The following MPDZ variants were observed in gnomAD, a reference collection of about 807,000 sequenced individuals.
MPDZ encodes multiple PDZ domain protein.
A neutral mutation model predicts 239.1 loss-of-function variants in MPDZ; 234 were observed. The observed-to-expected ratio is 0.98, with a 90% CI of 0.88 to 1.09. MPDZ has a LOEUF of 1.09. Among genes scored for constraint, MPDZ ranks in the 50% least tolerant of loss-of-function variants. The pLI is 0.00. For synonymous variants in MPDZ, 1,048 were observed against 881.3 expected (o/e 1.19, Z -3.35); for missense variants, 3,175 against 2,510.0 (o/e 1.26, Z -5.66).
At position 13,121,812 on chromosome 9, in the gene MPDZ, C is replaced by A. The variant is rs751842122; in HGVS notation, c.5158G>T (p.Val1720Leu). The change falls in exon 38 of 47, where the codon GTG becomes TTG. Residue 1720 changes from valine to leucine, a missense_variant. Coordinates refer to ENST00000319217, the MANE Select transcript of MPDZ (RefSeq NM_001378778.1). Reference protein sequence around the residue: ...RDEAPYKEEEVCDTLTIELQK... With the variant: ...RDEAPYKEEELCDTLTIELQK... ...AGCTCAATAGTGAGGGTGTCACACA[C>A]TTCCTCCTCTTTGTATGGGGCCTCA... 1.8e-5 allele frequency: 29 copies of A among 1,613,872 alleles called. No homozygotes were observed. Among genetic ancestry groups the A allele is most frequent in the Non-Finnish European group, 2.3e-5 (27 of 1,179,904 alleles).
chr9:13,175,515 A>G (rs76541670), intron 21 of MPDZ, among the ~76,000 whole-genome samples: 64 of 152,324 alleles, frequency 4.2e-4, no homozygotes, highest in African/African-American at 1.4e-3. Flanking sequence ...TACTGAATGT[A>G]AATGAGGCTT....
At chr9:13,234,833 A>G (rs965703286) in intron 3 of MPDZ, among the ~76,000 whole-genome samples, 1 of 151,592 alleles carries the variant, frequency 6.6e-6, no homozygotes, top group African/African-American at 2.4e-5. Context: ...TTTTTTAATC[A>G]TGCACCTTGT....
intron 7 of MPDZ, among the ~76,000 whole-genome samples, chr9:13,220,321 TG>T (rs1366207665): frequency 6.6e-4 from 100 of 152,110 alleles, no homozygotes; most frequent in Non-Finnish European, 2.1e-4. Context: ...TCCATACACA[TG>T]CAGTCCATTA....
chr9:13,192,700 G>A (rs1955102854), intron 14 of MPDZ, among the ~76,000 whole-genome samples: 1 of 152,004 alleles, frequency 6.6e-6, no homozygotes, highest in African/African-American at 2.4e-5. Context: ...TAAAAAGTGA[G>A]GGAAAATAAT....
intron 29 of MPDZ, 78 bp downstream of exon 29, chr9:13,137,879 G>A: frequency 1.4e-6 from 2 of 1,405,538 alleles, no homozygotes; most frequent in South Asian, 2.5e-5. Context: ...TATAAGGTAT[G>A]GGTGATTTTC....
At chr9:13,165,276 T>A in intron 22 of MPDZ, 1 of 1,250,932 alleles carries the variant, frequency 8.0e-7, no homozygotes, top group Non-Finnish European at 1.1e-6. Context: ...GGATCTATTC[T>A]TGCATTGGGA....
At chr9:13,134,018 T>C (rs1946391324) in intron 31 of MPDZ, 114 bp from the exon 32 acceptor site, 1 of 371,154 alleles carries the variant, frequency 2.7e-6, no homozygotes, top group South Asian at 1.3e-4. Flanking sequence ...AAAATTATTT[T>C]ACATTTATTT....
chr9:13,177,224 A>G (rs1369088350), intron 19 of MPDZ, among the ~76,000 whole-genome samples: 1 of 152,030 alleles, frequency 6.6e-6, no homozygotes, highest in Non-Finnish European at 1.5e-5. Flanking sequence ...TAAACATATC[A>G]GTTTTCCCTT....
At chr9:13,221,252 C>G in intron 7 of MPDZ, 120 bp downstream of exon 7, 1 of 1,114,412 alleles carries the variant, frequency 9.0e-7, no homozygotes, top group Non-Finnish European at 1.2e-6. Flanking sequence ...ACGAAAGATT[C>G]TAACTCAATT....
At chr9:13,188,725 G>T in intron 17 of MPDZ, 59 bp downstream of exon 17, 1 of 1,464,740 alleles carries the variant, frequency 6.8e-7, no homozygotes, top group South Asian at 1.3e-5. Context: ...GCGAAAAGTA[G>T]ACCTATGAAC....
chr9:13,248,976 C>CAAA lies in MPDZ; in HGVS notation c.17-1178_17-1176dup, dbSNP rs71331534. ...CGACAGAGTGAGTGAGACTCCATCT[C>CAAA]AAAAAAAAAAAAAAAAAAAAAAAAA... On this transcript the variant is annotated intron_variant, in intron 2 of 46. Coordinates refer to ENST00000319217, the MANE Select transcript of MPDZ (RefSeq NM_001378778.1). 4.2e-4 allele frequency among the ~76,000 whole-genome samples: 15 copies of CAAA among 35,818 alleles called. 1 individual carries two copies. Among genetic ancestry groups the CAAA allele is most frequent in the East Asian group, 2.5e-3 (2 of 814 alleles). 23.5% of individuals were successfully genotyped at this position (35,818 alleles called of 152,430 possible).
intron 27 of MPDZ, among the ~76,000 whole-genome samples, chr9:13,141,120 G>A (rs1430241773): frequency 6.6e-6 from 1 of 150,764 alleles, no homozygotes; most frequent in East Asian, 1.9e-4. Context: ...AAAAGTACTT[G>A]GCATCATCAA....
rs572490828 is a variant in MPDZ at position 13,259,501 on chromosome 9, G to A, written c.-57-9129C>T. ...ATGATGATACAACCTGGGAACTCAC[G>A]TACAAGTGAATGAAAGGAAAAGAAA... is the stretch of plus-strand genomic sequence containing the variant. On this transcript the variant is annotated intron_variant, in intron 1 of 46. Transcript: ENST00000319217. Among the ~76,000 whole-genome samples, 180 of 152,198 alleles carry A rather than the reference G, an allele frequency of 1.2e-3. 1 individual carries two copies. Among genetic ancestry groups the A allele is most frequent in the African/African-American group, 4.2e-3 (173 of 41,522 alleles).
intron 21 of MPDZ, among the ~76,000 whole-genome samples, chr9:13,169,932 T>C (rs1951571562): frequency 6.6e-6 from 1 of 152,158 alleles, no homozygotes; most frequent in Non-Finnish European, 1.5e-5. Context: ...TCAATATCAC[T>C]TCCTCAGAAA....
intron 44 of MPDZ, among the ~76,000 whole-genome samples, 196 bp downstream of exon 44, chr9:13,110,440 A>G (rs1272728159): frequency 6.6e-6 from 1 of 152,216 alleles, no homozygotes; most frequent in East Asian, 1.9e-4. Flanking sequence ...AAAACAATCA[A>G]TGCATCAGAG....
At chr9:13,222,569 T>C in intron 5 of MPDZ, 123 bp from the exon 6 acceptor site, 1 of 750,494 alleles carries the variant, frequency 1.3e-6, no homozygotes, top group Non-Finnish European at 2.2e-6. Context: ...TCTAAGCTTT[T>C]TCCTGCAGTT....
chr9:13,212,791 T>TA (rs145889448), intron 10 of MPDZ, among the ~76,000 whole-genome samples: 41,892 of 110,440 alleles, frequency 0.38, 8,430 homozygotes, highest in African/African-American at 0.56. Flanking sequence ...GGTCAAGGTT[T>TA]AAAAAAAAAA....
At position 13,112,105 on chromosome 9, in the gene MPDZ, T is replaced by TA; in HGVS notation, c.5642dup (p.Gly1882ArgfsTer6). ...TAGGCACATCACCAAGTGGGCTGCC[T>TA]ACTCCTCCAGCGATGCTGATTCCCA... On this transcript the variant is annotated frameshift_variant, in exon 43 of 47. Transcript: ENST00000319217. LOFTEE classifies it high-confidence loss of function. 1 of 1,613,456 alleles carries TA rather than the reference T, an allele frequency of 6.2e-7. No individual in the cohort carries two copies. The highest frequency in any genetic ancestry group is 8.5e-7 in the Non-Finnish European group (1 of 1,179,484).
intron 18 of MPDZ, among the ~76,000 whole-genome samples, chr9:13,184,912 AGCTCACAT>A (rs1481558175): frequency 2.0e-5 from 3 of 152,048 alleles, no homozygotes; most frequent in African/African-American, 4.8e-5. Flanking sequence ...TAAGATGCCA[AGCTCACAT>A]AAAAGTGGAA....
Sources: allele counts gnomAD v4.1 joint callset (sites outside exome capture counted in the v4.1 genomes callset), GRCh38; gene constraint gnomAD v4.1.1; transcripts MANE v1.5; gene names NCBI Gene and HGNC (gene_info 2026-07-23, HGNC 2026-07-21).